Variants in ERC1 observed in about 807,000 individuals in gnomAD.
ERC1 encodes the protein RAB6 interacting protein 2.
A neutral mutation model predicts 132.0 loss-of-function variants in ERC1; 56 were observed. The observed-to-expected ratio is 0.42, with a 90% CI of 0.34 to 0.53. ERC1 has a LOEUF of 0.53. Ranked by LOEUF, ERC1 falls within the 20% of genes least tolerant of loss-of-function variation. ERC1 has a pLI of 0.03. For missense variants in ERC1, 1,202 were observed against 1,349.9 expected (o/e 0.89, Z 1.72); for synonymous variants, 478 against 476.1 (o/e 1.00, Z -0.05).
At chr12:1,146,775 A>ACCCC (rs142725193) in intron 8 of ERC1, among the ~76,000 whole-genome samples, 59 of 142,332 alleles carry the variant, frequency 4.1e-4, no homozygotes, top group Middle Eastern at 3.6e-3. Context: ...CCCTCCCCCA[A>ACCCC]CCCCCACCCC....
intron 1 of ERC1, among the ~76,000 whole-genome samples, chr12:1,024,913 CAAT>C (rs988802888): frequency 2.1e-4 from 30 of 144,356 alleles, no homozygotes; most frequent in Middle Eastern, 3.6e-3. Flanking sequence ...ATAAAAAACA[CAAT>C]AAGTATAACA....
At chr12:1,230,452 T>C (rs1007711246) in intron 12 of ERC1, among the ~76,000 whole-genome samples, 2 of 152,232 alleles carry the variant, frequency 1.3e-5, no homozygotes, top group African/African-American at 4.8e-5. Context: ...ATGCTTGATA[T>C]GATTTTAACA....
At chr12:1,310,259 T>C (rs2081208409) in intron 15 of ERC1, among the ~76,000 whole-genome samples, 2 of 121,312 alleles carry the variant, frequency 1.6e-5, no homozygotes, top group Non-Finnish European at 3.7e-5. Flanking sequence ...ACAGTTTTGC[T>C]CTAATCTCCC....
chr12:1,056,091 A>T (rs1034003419), intron 2 of ERC1, among the ~76,000 whole-genome samples: 2 of 151,374 alleles, frequency 1.3e-5, no homozygotes, highest in Non-Finnish European at 2.9e-5. Flanking sequence ...TTTTAAAAAA[A>T]AGGTGAATGT....
rs739971 is a variant in ERC1, at chr12:1,495,485, G to A, written c.*5255G>A. 0.52 allele frequency: 117,705 copies of A among 228,322 alleles called. 33,521 individuals carry two copies. Among genetic ancestry groups the A allele is most frequent in the Non-Finnish European group, 0.63 (72,579 of 115,058 alleles). The allele number at this position is 228,322 out of a possible 1,614,324, so 14.1% of individuals were successfully genotyped here. A position where few individuals can be genotyped will look rare whatever the true frequency, so the allele number is the denominator to read the frequency against. On this transcript the variant is annotated 3_prime_UTR_variant, in exon 19 of 19. Transcript: ENST00000360905. The stretch of plus-strand genomic sequence containing the variant: ...GGTCCAGCCCCTCATTCCACACCAC[G>A]CCAGTATTGCATCCATCTACTGCAG...
chr12:1,064,475 G>T, intron 2 of ERC1, among the ~76,000 whole-genome samples: 1 of 152,076 alleles, frequency 6.6e-6, no homozygotes, highest in East Asian at 1.9e-4. Flanking sequence ...GCTCACTGCA[G>T]CCTTGAACTC....
At chr12:1,107,730 A>G (rs1945414085) in intron 4 of ERC1, among the ~76,000 whole-genome samples, 1 of 152,180 alleles carries the variant, frequency 6.6e-6, no homozygotes, top group Non-Finnish European at 1.5e-5. Flanking sequence ...GATGGCAGCA[A>G]TGGGGAGGGT....
chr12:1,196,905 TACACACACACACACACACACACACAC>T (rs766381798), intron 12 of ERC1, among the ~76,000 whole-genome samples: 1,091 of 57,698 alleles, frequency 0.019, 41 homozygotes, highest in Middle Eastern at 0.071. Context: ...TCTGTCTCTC[TACACACACACACACACACACACACAC>T]ACACACACAC....
chr12:1,084,707 T>G (rs1363019656), intron 3 of ERC1, among the ~76,000 whole-genome samples: 1 of 152,066 alleles, frequency 6.6e-6, no homozygotes, highest in East Asian at 1.9e-4. Flanking sequence ...GTTTTTATTT[T>G]TAGAGATAGG....
intron 18 of ERC1, among the ~76,000 whole-genome samples, chr12:1,488,142 A>G (rs1228362495): frequency 7.1e-6 from 1 of 140,144 alleles, no homozygotes; most frequent in Admixed American, 7.0e-5. Flanking sequence ...ACGTCTCAGA[A>G]AAAAAAAAAA....
chr12:1,396,528 A>T (rs531750121), intron 16 of ERC1, among the ~76,000 whole-genome samples: 11 of 152,252 alleles, frequency 7.2e-5, no homozygotes, highest in Non-Finnish European at 1.5e-4. Flanking sequence ...GGAAGAAAAG[A>T]TATGTAAACA....
intron 7 of ERC1, among the ~76,000 whole-genome samples, chr12:1,122,603 C>CTGTATATA (rs1947648069): frequency 8.9e-5 from 5 of 56,232 alleles, no homozygotes; most frequent in African/African-American, 1.2e-4. Context: ...CTATCTGTGT[C>CTGTATATA]TCTATCTCTA....
chr12:1,002,467 G>A (rs1156363240), intron 1 of ERC1, among the ~76,000 whole-genome samples: 1 of 151,854 alleles, frequency 6.6e-6, no homozygotes, highest in East Asian at 1.9e-4. Context: ...GACTACAGGT[G>A]TGAGCCACTG....
At chr12:1,193,263 C>G (rs931301973) in intron 12 of ERC1, among the ~76,000 whole-genome samples, 2 of 152,140 alleles carry the variant, frequency 1.3e-5, no homozygotes, top group African/African-American at 2.4e-5. Context: ...TTGTCCTACT[C>G]TCTTGACCCA....
chr12:1,203,539 A>T (rs1490761886), intron 12 of ERC1, among the ~76,000 whole-genome samples: 1 of 152,262 alleles, frequency 6.6e-6, no homozygotes, highest in East Asian at 1.9e-4. Context: ...TTTGCAAGAC[A>T]TCACTAAGTC....
At chr12:1,463,179 C>T (rs1246640856) in intron 18 of ERC1, among the ~76,000 whole-genome samples, 1 of 152,154 alleles carries the variant, frequency 6.6e-6, no homozygotes, top group East Asian at 1.9e-4. Context: ...TTAACTTGCA[C>T]CCCTCTTTTT....
intron 12 of ERC1, among the ~76,000 whole-genome samples, chr12:1,201,816 T>A (rs1347489080): frequency 6.6e-6 from 1 of 152,214 alleles, no homozygotes; most frequent in East Asian, 1.9e-4. Context: ...AGTGTCTCTT[T>A]AGAGAAAAAT....
intron 11 of ERC1, among the ~76,000 whole-genome samples, chr12:1,186,037 A>G (rs955476105): frequency 7.2e-5 from 11 of 152,244 alleles, no homozygotes; most frequent in African/African-American, 2.7e-4. Flanking sequence ...AACCTGAAAC[A>G]AAAGAAATTG....
At chr12:1,424,275 C>A (rs1285189468) in intron 17 of ERC1, among the ~76,000 whole-genome samples, 1 of 152,106 alleles carries the variant, frequency 6.6e-6, no homozygotes, top group Non-Finnish European at 1.5e-5. Context: ...ATTGAACATA[C>A]AATGTCAGGT....
Sources: allele counts gnomAD v4.1 joint callset (sites outside exome capture counted in the v4.1 genomes callset), GRCh38; gene constraint gnomAD v4.1.1; transcripts MANE v1.5; gene names NCBI Gene and HGNC (gene_info 2026-07-23, HGNC 2026-07-21).